The following POLD3 variants were observed in gnomAD, a reference collection of about 807,000 sequenced individuals.
POLD3 encodes the protein DNA polymerase delta 3, accessory subunit.
In POLD3, 19 loss-of-function variants were observed where a neutral mutation model predicts 58.2. The ratio of observed to expected loss-of-function variants is 0.33; its 90% CI spans 0.23 to 0.48. The LOEUF (loss-of-function observed/expected upper bound fraction) is 0.48. POLD3 is among the 20% of genes least tolerant of loss of function. The pLI, the probability that POLD3 is intolerant of heterozygous loss-of-function variation, is 0.99. For synonymous variants in POLD3, 172 were observed against 193.5 expected (o/e 0.89, Z 0.92); for missense variants, 504 against 545.5 (o/e 0.92, Z 0.76).
At chr11:74,663,545 T>C (rs918146910) in intron 4 of POLD3, among the ~76,000 whole-genome samples, 1 of 152,190 alleles carries the variant, frequency 6.6e-6, no homozygotes, top group Non-Finnish European at 1.5e-5. Flanking sequence ...TGGGACAGAA[T>C]AGTTAGTCTG....
At chr11:74,604,645 A>G in intron 2 of POLD3, 47 bp from the exon 3 acceptor site, 1 of 989,542 alleles carries the variant, frequency 1.0e-6, no homozygotes, top group East Asian at 2.4e-5. Flanking sequence ...TGATCATGTA[A>G]AAACTCTTAC....
intron 4 of POLD3, among the ~76,000 whole-genome samples, chr11:74,662,793 T>G (rs2033220364): frequency 6.6e-6 from 1 of 152,168 alleles, no homozygotes; most frequent in Non-Finnish European, 1.5e-5. Context: ...CCTTTCAAGT[T>G]TACTTAGGAC....
chr11:74,603,374 A>G (rs1261466758), intron 2 of POLD3, among the ~76,000 whole-genome samples: 4 of 152,190 alleles, frequency 2.6e-5, no homozygotes, highest in African/African-American at 9.6e-5. Context: ...TTGGATAGGA[A>G]GAAGTGAAGT....
intron 4 of POLD3, among the ~76,000 whole-genome samples, chr11:74,658,379 C>T (rs1197080096): frequency 6.6e-6 from 1 of 152,130 alleles, no homozygotes; most frequent in African/African-American, 2.4e-5. Context: ...TGGGTGGGGA[C>T]ACAGCCAAAC....
intron 9 of POLD3, among the ~76,000 whole-genome samples, chr11:74,629,696 A>C (rs796589994): frequency 9.9e-5 from 15 of 151,992 alleles, no homozygotes; most frequent in African/African-American, 3.4e-4. Flanking sequence ...GGTGGTCCAC[A>C]CAGGTAAAAC....
chr11:74,664,961 A>G (rs1331822217), intron 4 of POLD3, among the ~76,000 whole-genome samples: 1 of 151,920 alleles, frequency 6.6e-6, no homozygotes, highest in Non-Finnish European at 1.5e-5. Flanking sequence ...TTAGCCAGAC[A>G]TGGTAGCACA....
At chr11:74,638,925 C>T (rs1352019428) in intron 11 of POLD3, among the ~76,000 whole-genome samples, 2 of 152,104 alleles carry the variant, frequency 1.3e-5, no homozygotes, top group Admixed American at 6.6e-5. Flanking sequence ...ATTTTTTAGC[C>T]TCTAAGTGAA....
At chr11:74,644,355 T>G (rs145129427), downstream of POLD3, among the ~76,000 whole-genome samples, 110 of 152,312 alleles carry the variant, frequency 7.2e-4, no homozygotes, top group African/African-American at 2.3e-3. Context: ...TTTACCACCA[T>G]GAAACATTTT....
chr11:74,632,931 CACAGTT>C (rs2032637785), intron 9 of POLD3, among the ~76,000 whole-genome samples: 1 of 136,282 alleles, frequency 7.3e-6, no homozygotes, highest in African/African-American at 2.6e-5. Flanking sequence ...CACACACACA[CACAGTT>C]ACTCTATGTT....
chr11:74,641,482 C>G lies in POLD3; in HGVS notation c.*716C>G, dbSNP rs891756503. On this transcript the variant is annotated 3_prime_UTR_variant, in exon 12 of 12. Coordinates refer to ENST00000263681, the MANE Select transcript of POLD3 (RefSeq NM_006591.3). ...ACAAATAGAAATTTAATGATGTGTT[C>G]AACTCCACCAGAAATTACCTCGAGT... The G allele has an allele frequency of 2.4e-5, 24 of 985,406 alleles. No homozygotes were observed. Among genetic ancestry groups the G allele is most frequent in the Non-Finnish European group, 2.8e-5 (23 of 829,946 alleles). The allele number at this position is 985,406 out of a possible 1,614,324, so 61.0% of individuals were successfully genotyped here. A position where few individuals can be genotyped will look rare whatever the true frequency, so the allele number is the denominator to read the frequency against.
At chr11:74,648,397 C>T (rs750462263) in intron 4 of POLD3, among the ~76,000 whole-genome samples, 1 of 152,152 alleles carries the variant, frequency 6.6e-6, no homozygotes, top group Non-Finnish European at 1.5e-5. Context: ...GACTACTGTA[C>T]CATGTCCTTC....
At chr11:74,607,577 T>TTTTA (rs1554974528) in intron 3 of POLD3, among the ~76,000 whole-genome samples, 1 of 151,588 alleles carries the variant, frequency 6.6e-6, no homozygotes, top group East Asian at 1.9e-4. Flanking sequence ...TATTTTTATT[T>TTTTA]TTTATTTATT....
rs546486691 is a variant in POLD3, at chr11:74,665,348, A to G, written c.370-3429A>G. Among the ~76,000 whole-genome samples, 1,215 of 148,178 alleles carry G rather than the reference A, an allele frequency of 8.2e-3. 11 individuals carry two copies. Among genetic ancestry groups the G allele is most frequent in the Non-Finnish European group, 0.013 (867 of 67,002 alleles). ...CAAAAAAAAAAAAAATGAAATTAAT[A>G]GAGCCAGAAGGAGCATTTGACAAAA... On this transcript the variant is annotated intron_variant, in intron 4 of 4. Transcript: ENST00000524752.
At chr11:74,626,763 G>A (rs183105330) in intron 8 of POLD3, among the ~76,000 whole-genome samples, 2 of 152,058 alleles carry the variant, frequency 1.3e-5, no homozygotes, top group Admixed American at 6.6e-5. Flanking sequence ...GCTGCATAAC[G>A]ATGTTTGGGT....
chr11:74,604,718 A>G lies in POLD3; in HGVS notation c.143A>G (p.Lys48Arg), dbSNP rs928439195. Residue 48 changes from lysine (K) to arginine (R), a missense_variant, in exon 3 of 12, where the codon AAA (lysine) becomes AGA (arginine). Transcript: ENST00000263681. ...KQMLYDYVER[K>R]RKENSGAQLH... The stretch of plus-strand genomic sequence containing the variant: ...ATGCTGTATGATTATGTTGAAAGGA[A>G]ACGAAAAGAAAATTCAGGAGCCCAA... 6.2e-7 allele frequency: 1 copy of G among 1,608,014 alleles called. No individual in the cohort carries two copies.
rs184182356 is a variant in POLD3, at chr11:74,659,617, A to T, written c.370-9160A>T. On this transcript the variant is annotated intron_variant, in intron 4 of 4. Coordinates refer to the POLD3 transcript ENST00000524752. ...GCTGCTTAGAAATTTCTTCTGCCAG[A>T]TACCCTAAATAATCTCTCTCAAGTT... Among the ~76,000 whole-genome samples, 360 of 151,428 alleles carry T rather than the reference A, an allele frequency of 2.4e-3. 2 individuals carry two copies. The highest frequency in any genetic ancestry group is 8.6e-3 in the African/African-American group (349 of 40,706).
intron 3 of POLD3, among the ~76,000 whole-genome samples, chr11:74,611,160 C>T (rs901146456): frequency 6.6e-6 from 1 of 152,100 alleles, no homozygotes; most frequent in Non-Finnish European, 1.5e-5. Context: ...TATCTGGTTC[C>T]ATGTGATTAT....
chr11:74,596,762 C>T (rs1369818065), intron 2 of POLD3, among the ~76,000 whole-genome samples: 2 of 152,102 alleles, frequency 1.3e-5, no homozygotes, highest in African/African-American at 4.8e-5. Flanking sequence ...CTCCCCATTC[C>T]CCCTCCCCTA....
intron 6 of POLD3, 115 bp from the exon 7 acceptor site, chr11:74,619,902 T>C: frequency 2.6e-6 from 2 of 780,182 alleles, no homozygotes; most frequent in Non-Finnish European, 4.5e-6. Flanking sequence ...TTGGCATGAT[T>C]ATATAGAGAC....
Sources: allele counts gnomAD v4.1 joint callset (sites outside exome capture counted in the v4.1 genomes callset), GRCh38; gene constraint gnomAD v4.1.1; transcripts MANE v1.5; gene names NCBI Gene and HGNC (gene_info 2026-07-23, HGNC 2026-07-21).